Variants in PRKG1 observed in about 807,000 individuals in gnomAD.
PRKG1 encodes cGMP-dependent protein kinase 1.
Under a neutral mutation model 88.1 loss-of-function variants are expected in PRKG1, and 35 were observed. The observed-to-expected ratio is 0.40, with a 90% CI of 0.30 to 0.53. PRKG1 has a LOEUF of 0.53. PRKG1 is among the 20% of genes least tolerant of loss of function. The probability of loss-of-function intolerance (pLI) is 0.59; values close to 1 mark genes in which losing one functional copy is unlikely to be tolerated. For synonymous variants in PRKG1, 303 were observed against 292.5 expected, an observed-to-expected ratio of 1.04 and a Z score of -0.37; for missense variants, 540 against 839.8, an observed-to-expected ratio of 0.64 and a Z score of 4.41.
At chr10:51,968,820 C>CAAAAAAAA (rs56810665) in intron 5 of PRKG1, among the ~76,000 whole-genome samples, 4 of 105,456 alleles carry the variant, frequency 3.8e-5, no homozygotes, top group South Asian at 3.1e-4. Flanking sequence ...AAAACTCCAT[C>CAAAAAAAA]AAAAAAAAAA....
At chr10:51,990,710 C>T (rs1305831349) in intron 5 of PRKG1, among the ~76,000 whole-genome samples, 1 of 152,032 alleles carries the variant, frequency 6.6e-6, no homozygotes, top group African/African-American at 2.4e-5. Flanking sequence ...CTGATCCTCT[C>T]CCTCCTCCCA....
chr10:51,578,537 G>C (rs1837945361), intron 3 of PRKG1, among the ~76,000 whole-genome samples: 6 of 152,100 alleles, frequency 3.9e-5, no homozygotes, highest in Admixed American at 3.9e-4. Flanking sequence ...CTGGGCAGTG[G>C]TGAGAGGGCA....
intron 3 of PRKG1, among the ~76,000 whole-genome samples, chr10:51,630,707 T>C (rs1839502585): frequency 6.6e-6 from 1 of 152,230 alleles, no homozygotes; most frequent in Non-Finnish European, 1.5e-5. Context: ...TATCCTCTGC[T>C]ATTCATCAAA....
At position 51,400,686 on chromosome 10, in the gene PRKG1, C is replaced by A. The variant is rs148633605; in HGVS notation, c.479-67037C>A. Among the ~76,000 whole-genome samples the A allele has an allele frequency of 2.6e-3, 399 of 152,258 alleles. 5 individuals carry two copies. Among genetic ancestry groups the A allele is most frequent in the African/African-American group, 9.2e-3 (381 of 41,550 alleles). On this transcript the variant is annotated intron_variant, in intron 2 of 17. Coordinates refer to ENST00000373980, the MANE Select transcript of PRKG1 (RefSeq NM_006258.4). ...GTGCGTTTCTGTTTAAATTGAAACTCCCGGCACAAATGTTTTCCCTTTGTT... is the reference window on the plus strand; with the variant it reads ...GTGCGTTTCTGTTTAAATTGAAACTACCGGCACAAATGTTTTCCCTTTGTT...
chr10:51,152,726 T>A (rs1240111343), intron 1 of PRKG1, among the ~76,000 whole-genome samples: 1 of 152,142 alleles, frequency 6.6e-6, no homozygotes, highest in East Asian at 1.9e-4. Context: ...TATAGTACAA[T>A]ACATCCCTGA....
chr10:51,320,114 A>G (rs985905643), intron 2 of PRKG1: 1 of 166,660 alleles, frequency 6.0e-6, no homozygotes, highest in African/African-American at 2.4e-5. Flanking sequence ...CCTGGGCATG[A>G]ATGGGCTAAA....
At chr10:51,614,234 A>G (rs111450621) in intron 3 of PRKG1, among the ~76,000 whole-genome samples, 59 of 152,078 alleles carry the variant, frequency 3.9e-4, no homozygotes, top group African/African-American at 1.4e-3. Flanking sequence ...CTTTATCATT[A>G]TAAAATGACA....
chr10:51,648,712 C>A (rs113622291), intron 3 of PRKG1, among the ~76,000 whole-genome samples: 8 of 152,158 alleles, frequency 5.3e-5, no homozygotes, highest in African/African-American at 1.4e-4. Context: ...GGGTTTTGTT[C>A]AGTGACGTTT....
chr10:51,116,573 G>T (rs1271499316), intron 1 of PRKG1, among the ~76,000 whole-genome samples: 1 of 152,186 alleles, frequency 6.6e-6, no homozygotes, highest in Non-Finnish European at 1.5e-5. Context: ...AAAAGCTGAA[G>T]TTGAGGAAGT....
intron 1 of PRKG1, among the ~76,000 whole-genome samples, chr10:51,140,122 A>C (rs112415254): frequency 3.0e-4 from 46 of 152,258 alleles, no homozygotes; most frequent in African/African-American, 9.1e-4. Flanking sequence ...TGGCTCACTG[A>C]TCCTTGAGTC....
intron 2 of PRKG1, among the ~76,000 whole-genome samples, chr10:51,364,893 A>T (rs969795313): frequency 3.9e-5 from 6 of 151,922 alleles, no homozygotes; most frequent in South Asian, 2.1e-4. Flanking sequence ...AACCAAATGC[A>T]CAAGGGATTC....
intron 2 of PRKG1, among the ~76,000 whole-genome samples, chr10:51,249,998 C>T (rs1217256016): frequency 4.0e-5 from 6 of 151,768 alleles, no homozygotes; most frequent in Non-Finnish European, 5.9e-5. Flanking sequence ...TTCTTATCAT[C>T]TAGGGTACTT....
intron 3 of PRKG1, among the ~76,000 whole-genome samples, chr10:51,644,002 G>A (rs180691241): frequency 6.6e-6 from 1 of 150,916 alleles, no homozygotes; most frequent in East Asian, 1.9e-4. Flanking sequence ...ATTTCATTGT[G>A]AGGTTGTTGT....
chr10:51,152,936 T>C (rs1351667978), intron 1 of PRKG1, among the ~76,000 whole-genome samples: 2 of 151,536 alleles, frequency 1.3e-5, no homozygotes, highest in South Asian at 2.1e-4. Context: ...AGGTCACTTA[T>C]TCATTAAATG....
intron 2 of PRKG1, 117 bp downstream of exon 2, chr10:51,153,447 A>C: frequency 9.6e-7 from 1 of 1,044,332 alleles, no homozygotes; most frequent in Non-Finnish European, 1.3e-6. Context: ...TTTATTGAGA[A>C]ATTAGTTTGA....
intron 1 of PRKG1, among the ~76,000 whole-genome samples, chr10:51,013,115 A>G (rs1449222558): frequency 6.6e-6 from 1 of 152,232 alleles, no homozygotes; most frequent in Non-Finnish European, 1.5e-5. Flanking sequence ...GTTAGAGGTT[A>G]AGAACATGAA....
chr10:51,411,558 G>C (rs906933808), intron 2 of PRKG1, among the ~76,000 whole-genome samples: 1 of 152,192 alleles, frequency 6.6e-6, no homozygotes, highest in Admixed American at 6.5e-5. Context: ...GTAACATGAA[G>C]CAGAGAGAAA....
chr10:52,062,397 C>G, intron 6 of PRKG1, 140 bp from the exon 7 acceptor site: 1 of 459,358 alleles, frequency 2.2e-6, no homozygotes, highest in Non-Finnish European at 3.7e-6. Flanking sequence ...GTTCTTTGGT[C>G]CTTTTGGTGG....
Position 51,153,191 on chromosome 10 carries a change from C to T in PRKG1, c.339C>T (p.Ile113=). The T allele has an allele frequency of 6.2e-7, 1 of 1,612,180 alleles. No individual in the cohort carries two copies. The highest frequency in any genetic ancestry group is 8.5e-7 in the Non-Finnish European group (1 of 1,178,744). Residue 113 remains isoleucine, a synonymous_variant, in exon 2 of 18, where the codon ATC becomes ATT. Coordinates refer to ENST00000373980, the MANE Select transcript of PRKG1 (RefSeq NM_006258.4). ...CCAAGGATCTTATAAAGGAAGCTATCCTTGACAATGACTTTATGAAGAACT... is the reference window on the plus strand; with the variant it reads ...CCAAGGATCTTATAAAGGAAGCTATTCTTGACAATGACTTTATGAAGAACT... ...PQSKDLIKEA[I]LDNDFMKNLE...
Sources: gnomAD v4.1 joint callset for allele counts (sites outside exome capture counted in the v4.1 genomes callset) on GRCh38, gnomAD v4.1.1 for gene constraint, MANE v1.5 for transcripts, NCBI Gene and HGNC (gene_info 2026-07-23, HGNC 2026-07-21) for gene names.